UBE2D2: variants seen among roughly 807,000 people sequenced by gnomAD.
UBE2D2 encodes the protein ubiquitin-conjugating enzyme E2 D2.
UBE2D2 carries 2 observed loss-of-function variants against 24.2 expected under a neutral mutation model. The ratio of observed to expected loss-of-function variants is 0.08; its 90% confidence interval spans 0.03 to 0.26. The LOEUF (loss-of-function observed/expected upper bound fraction) is 0.26. Ranked by LOEUF, UBE2D2 falls within the 10% of genes least tolerant of loss-of-function variation. The pLI, the probability that UBE2D2 is intolerant of heterozygous loss-of-function variation, is 1.00. For missense variants in UBE2D2, 44 were observed against 177.6 expected, an observed-to-expected ratio of 0.25 and a Z score of 4.28; for synonymous variants, 58 against 56.5, an observed-to-expected ratio of 1.03 and a Z score of -0.12.
intron 1 of UBE2D2, among the ~76,000 whole-genome samples, chr5:139,582,769 C>T (rs1327444194): frequency 6.8e-6 from 1 of 146,182 alleles, no homozygotes; most frequent in African/African-American, 2.5e-5. Flanking sequence ...CTCCTGGGTT[C>T]ACTCCATTCT....
At chr5:139,597,276 GT>G (rs1561515407) in intron 1 of UBE2D2, among the ~76,000 whole-genome samples, 1 of 152,090 alleles carries the variant, frequency 6.6e-6, no homozygotes, top group Non-Finnish European at 1.5e-5. Context: ...TGTCACTATA[GT>G]TTTGCCTGTT....
At chr5:139,580,210 T>C (rs1051216468) in intron 1 of UBE2D2, among the ~76,000 whole-genome samples, 1 of 152,084 alleles carries the variant, frequency 6.6e-6, no homozygotes, top group African/African-American at 2.4e-5. Context: ...TCTCCAGGCA[T>C]GTACCATCAT....
intron 5 of UBE2D2, among the ~76,000 whole-genome samples, chr5:139,620,917 G>T (rs576675912): frequency 2.0e-5 from 3 of 152,272 alleles, no homozygotes; most frequent in Non-Finnish European, 4.4e-5. Flanking sequence ...GTGACTTTAT[G>T]CCCCCTTTGC....
At chr5:139,555,748 G>A (rs1392747393) in intron 1 of UBE2D2, among the ~76,000 whole-genome samples, 3 of 151,684 alleles carry the variant, frequency 2.0e-5, no homozygotes, top group East Asian at 3.9e-4. Flanking sequence ...CCAACATGGT[G>A]AAACCCTGTG....
chr5:139,544,788 T>C (rs1033499129), intron 1 of UBE2D2, among the ~76,000 whole-genome samples: 26 of 152,018 alleles, frequency 1.7e-4, no homozygotes, highest in Non-Finnish European at 3.1e-4. Context: ...TGCTTTTTTT[T>C]TTCTTTTTTT....
chr5:139,564,776 A>G (rs1581494549), intron 1 of UBE2D2, among the ~76,000 whole-genome samples: 1 of 152,132 alleles, frequency 6.6e-6, no homozygotes, highest in Non-Finnish European at 1.5e-5. Flanking sequence ...TTAGAATTCA[A>G]TATTAACCAT....
chr5:139,592,219 A>T (rs1753860277), intron 1 of UBE2D2, among the ~76,000 whole-genome samples: 1 of 151,868 alleles, frequency 6.6e-6, no homozygotes, highest in South Asian at 2.1e-4. Flanking sequence ...AAGAAAAAGG[A>T]AAAAAATGAA....
At chr5:139,563,859 G>A (rs1421281539) in intron 1 of UBE2D2, among the ~76,000 whole-genome samples, 6 of 152,112 alleles carry the variant, frequency 3.9e-5, no homozygotes, top group African/African-American at 4.8e-5. Context: ...GACGTGAACC[G>A]GGGAGGCGGA....
intron 5 of UBE2D2, among the ~76,000 whole-genome samples, chr5:139,622,844 C>T (rs866514238): frequency 4.0e-5 from 6 of 151,628 alleles, no homozygotes; most frequent in South Asian, 4.2e-4. Flanking sequence ...GAGCCTAGAC[C>T]GCGCCGCGCC....
At chr5:139,620,427 C>T (rs943297667) in intron 5 of UBE2D2, among the ~76,000 whole-genome samples, 3 of 152,126 alleles carry the variant, frequency 2.0e-5, no homozygotes, top group African/African-American at 7.2e-5. Flanking sequence ...TCTAACTTCC[C>T]TGTTGTCATT....
At chr5:139,579,634 CT>C (rs778666501) in intron 1 of UBE2D2, among the ~76,000 whole-genome samples, 1 of 152,110 alleles carries the variant, frequency 6.6e-6, no homozygotes, top group Non-Finnish European at 1.5e-5. Flanking sequence ...GTGACAGTCA[CT>C]GTAATTGTAA....
chr5:139,600,261 TAA>T, intron 1 of UBE2D2, 109 bp from the exon 2 acceptor site: 1 of 1,173,596 alleles, frequency 8.5e-7, no homozygotes, highest in Non-Finnish European at 1.2e-6. Context: ...GGAATGCTCT[TAA>T]GAGAGTTTCA....
At chr5:139,618,971 G>C (rs567068996) in intron 5 of UBE2D2, among the ~76,000 whole-genome samples, 18 of 152,124 alleles carry the variant, frequency 1.2e-4, no homozygotes, top group Non-Finnish European at 5.9e-5. Context: ...GAAGGTCCGT[G>C]ATGGGGACCT....
At chr5:139,584,533 CTTT>C (rs10642044) in intron 1 of UBE2D2, among the ~76,000 whole-genome samples, 11 of 133,042 alleles carry the variant, frequency 8.3e-5, no homozygotes, top group Admixed American at 7.8e-5. Context: ...CTTTTCTTTT[CTTT>C]TTTTTTTTTT....
At chr5:139,600,488 G>A (rs1754050220) in intron 2 of UBE2D2, 53 bp downstream of exon 2, 4 of 1,583,700 alleles carry the variant, frequency 2.5e-6, no homozygotes, top group Non-Finnish European at 3.5e-6. Context: ...GTTATTTTGT[G>A]TGAAGAAACA....
At chr5:139,571,194 G>A (rs960623551) in intron 1 of UBE2D2, among the ~76,000 whole-genome samples, 2 of 151,886 alleles carry the variant, frequency 1.3e-5, no homozygotes, top group Non-Finnish European at 2.9e-5. Flanking sequence ...GGATCGTGAG[G>A]TCAGGAGATC....
intron 1 of UBE2D2, among the ~76,000 whole-genome samples, chr5:139,543,977 A>AT (rs11454695): frequency 0.41 from 61,792 of 151,766 alleles, 15,340 homozygotes; most frequent in African/African-American, 0.7. Context: ...AAGACAAAGG[A>AT]TTTTTTTCTA....
chr5:139,620,974 G>A (rs1418518907), intron 5 of UBE2D2, among the ~76,000 whole-genome samples: 2 of 152,216 alleles, frequency 1.3e-5, no homozygotes, highest in African/African-American at 2.4e-5. Flanking sequence ...GCCGGGTGTG[G>A]TAGTTCACGC....
intron 1 of UBE2D2, among the ~76,000 whole-genome samples, chr5:139,580,437 G>A (rs537087482): frequency 3.3e-4 from 50 of 152,228 alleles, no homozygotes; most frequent in Admixed American, 6.5e-4. Flanking sequence ...CTGGGACAGC[G>A]TAACAGAGTG....
Sources: gnomAD v4.1 joint callset for allele counts (sites outside exome capture counted in the v4.1 genomes callset) on GRCh38, gnomAD v4.1.1 for gene constraint, MANE v1.5 for transcripts, NCBI Gene and HGNC (gene_info 2026-07-23, HGNC 2026-07-21) for gene names.